TLE4: variants seen among roughly 807,000 people sequenced by gnomAD.
The protein encoded by TLE4 is TLE family member 4, transcriptional corepressor, also known as transducin-like enhancer protein 4.
Under a neutral mutation model 92.8 loss-of-function variants are expected in TLE4, and 8 were observed. The observed-to-expected ratio is 0.09, with a 90% confidence interval of 0.05 to 0.16. The LOEUF (loss-of-function observed/expected upper bound fraction) is 0.16. Among genes scored for constraint, TLE4 ranks in the 10% least tolerant of loss-of-function variants. The pLI is 1.00. For synonymous variants in TLE4, 371 were observed against 374.1 expected, an observed-to-expected ratio of 0.99 and a Z score of 0.10; for missense variants, 675 against 997.6, an observed-to-expected ratio of 0.68 and a Z score of 4.36.
At chr9:79,584,795 C>T (rs776191884) in intron 4 of TLE4, among the ~76,000 whole-genome samples, 4 of 152,084 alleles carry the variant, frequency 2.6e-5, no homozygotes, top group African/African-American at 4.8e-5. Flanking sequence ...CAAAAGCAAC[C>T]GAACTTGCTG....
At chr9:79,627,815 T>C (rs2053034968) in intron 6 of TLE4, 1 of 213,558 alleles carries the variant, frequency 4.7e-6, no homozygotes. Flanking sequence ...TGAATAATCA[T>C]GTAGAGTATC....
intron 8 of TLE4, among the ~76,000 whole-genome samples, chr9:79,657,968 A>G (rs1412315838): frequency 2.6e-5 from 4 of 152,124 alleles, no homozygotes; most frequent in African/African-American, 4.8e-5. Flanking sequence ...AGTCACATCT[A>G]TGAGGGATTT....
chr9:79,723,967 T>C (rs779543299), intron 19 of TLE4, among the ~76,000 whole-genome samples: 21 of 152,228 alleles, frequency 1.4e-4, no homozygotes, highest in Non-Finnish European at 2.2e-4. Context: ...TTCAGAGTCC[T>C]GGTTAAAATC....
rs553585083 is a variant in TLE4, at chr9:79,623,578, T to A, written c.316-3796T>A. Among the ~76,000 whole-genome samples, 24 of 152,270 alleles carry A rather than the reference T, an allele frequency of 1.6e-4. No homozygotes were observed. The South Asian group carries it at 1.9e-3, about 12-fold the overall frequency. On this transcript the variant is annotated intron_variant, in intron 5 of 19. Coordinates refer to ENST00000376552, the MANE Select transcript of TLE4 (RefSeq NM_007005.6). ...GTTTGTATTGCTTAAATCACTTTTT[T>A]AAAAAAATTATTTTTACTGAGGTAT...
chr9:79,627,304 G>A lies in TLE4; in HGVS notation c.316-70G>A, dbSNP rs536440162. On this transcript the variant is annotated intron_variant, in intron 5 of 19. Transcript: ENST00000376552. ...GCATGTAACTGAAGTTAGAGGACAT[G>A]TTAGGAAAAGCTGTTCTTGACTGAG... 16 of 1,518,932 alleles carry A rather than the reference G, an allele frequency of 1.1e-5. No homozygotes were observed. The South Asian group carries it at 1.8e-4, about 17-fold the overall frequency. The allele number at this position is 1,518,932 out of a possible 1,614,324, so 94.1% of individuals were successfully genotyped here.
chr9:79,572,989 C>G (rs1025697485), intron 1 of TLE4, among the ~76,000 whole-genome samples, 154 bp downstream of exon 1: 10 of 152,120 alleles, frequency 6.6e-5, no homozygotes. Flanking sequence ...GCCATCACCC[C>G]CACCCCCCGG....
intron 8 of TLE4, among the ~76,000 whole-genome samples, chr9:79,679,516 G>A (rs1419295539): frequency 1.3e-5 from 2 of 151,978 alleles, no homozygotes; most frequent in East Asian, 3.9e-4. Flanking sequence ...CTGGATATTA[G>A]CCCTTTGTCA....
intron 5 of TLE4, among the ~76,000 whole-genome samples, chr9:79,614,617 C>G (rs1389790879): frequency 1.3e-5 from 2 of 152,136 alleles, no homozygotes; most frequent in Non-Finnish European, 2.9e-5. Context: ...TGTCATACCA[C>G]TTAACTATTT....
At chr9:79,612,217 A>T (rs372738059) in intron 4 of TLE4, among the ~76,000 whole-genome samples, 3 of 152,154 alleles carry the variant, frequency 2.0e-5, no homozygotes, top group Non-Finnish European at 2.9e-5. Flanking sequence ...TTTAAAGCAA[A>T]GGCCACAAAT....
At chr9:79,620,768 A>T (rs1269602914) in intron 5 of TLE4, among the ~76,000 whole-genome samples, 4 of 152,160 alleles carry the variant, frequency 2.6e-5, no homozygotes, top group Non-Finnish European at 5.9e-5. Flanking sequence ...AAAAGGCTTT[A>T]TTGGCTCATG....
chr9:79,719,418 A>G (rs956096475), intron 15 of TLE4, among the ~76,000 whole-genome samples: 2 of 151,992 alleles, frequency 1.3e-5, no homozygotes, highest in East Asian at 1.9e-4. Context: ...AATTTTTGCT[A>G]TAGCATGAGG....
intron 4 of TLE4, among the ~76,000 whole-genome samples, chr9:79,581,853 A>G (rs1194588797): frequency 6.6e-6 from 1 of 152,128 alleles, no homozygotes; most frequent in Non-Finnish European, 1.5e-5. Context: ...ATTCTCTGCA[A>G]CTGCCTAGAG....
chr9:79,659,576 TATAAATCTTTCTTA>T, intron 8 of TLE4, among the ~76,000 whole-genome samples: 1 of 152,134 alleles, frequency 6.6e-6, no homozygotes, highest in Non-Finnish European at 1.5e-5. Context: ...GTTAGGTCTC[TATAAATCTTTCTTA>T]TTAAAAAAAT....
chr9:79,708,958 A>G (rs1466268031), intron 13 of TLE4, among the ~76,000 whole-genome samples, 172 bp downstream of exon 13: 2 of 152,124 alleles, frequency 1.3e-5, no homozygotes, highest in African/African-American at 4.8e-5. Flanking sequence ...CAGCCTCTCA[A>G]GTAGCTCGAA....
chr9:79,574,910 A>G lies in TLE4; in HGVS notation c.181A>G (p.Thr61Ala). The G allele has an allele frequency of 6.2e-7, 1 of 1,613,728 alleles. No individual in the cohort carries two copies. Among genetic ancestry groups the G allele is most frequent in the Non-Finnish European group, 8.5e-7 (1 of 1,179,724 alleles). Residue 61 changes from threonine to alanine, a missense_variant, in exon 3 of 20, where the codon ACA (threonine) becomes GCA (alanine). Physicochemically the swap from Thr to Ala is moderately conservative, Grantham distance 58. Transcript: ENST00000376552. ...ATGTGAGAAACTCGCCAGTGAGAAG[A>G]CAGAGATGCAGCGGCATTATGTCAT... Reference protein sequence around the residue: ...LECEKLASEKTEMQRHYVMYY... With the variant: ...LECEKLASEKAEMQRHYVMYY...
rs1159046994 is a variant in TLE4, at chr9:79,572,186, A to G, written c.-605A>G. On this transcript the variant is annotated 5_prime_UTR_variant, in exon 1 of 20. Coordinates refer to ENST00000376552, the MANE Select transcript of TLE4 (RefSeq NM_007005.6). ...AAGAAAACAGGAAGGAAGAGAAATA[A>G]GGAAATGAGATGTGGTAAAAGAAGC... 4 of 152,142 alleles carry G rather than the reference A, an allele frequency of 2.6e-5. No individual in the cohort carries two copies. Among genetic ancestry groups the G allele is most frequent in the Non-Finnish European group, 2.9e-5 (2 of 68,024 alleles). 9.4% of individuals were successfully genotyped at this position (152,142 alleles called of 1,614,324 possible). A position where few individuals can be genotyped will look rare whatever the true frequency, so the allele number is the denominator to read the frequency against.
intron 14 of TLE4, among the ~76,000 whole-genome samples, chr9:79,715,511 C>A (rs2074311401): frequency 6.6e-6 from 1 of 152,066 alleles, no homozygotes; most frequent in Non-Finnish European, 1.5e-5. Context: ...GACCTCAGCA[C>A]CAGCGGTGGG....
At chr9:79,648,514 G>A (rs937983446) in intron 6 of TLE4, among the ~76,000 whole-genome samples, 1 of 151,860 alleles carries the variant, frequency 6.6e-6, no homozygotes, top group African/African-American at 2.4e-5. Flanking sequence ...ACTTAGATAA[G>A]TAATGTGGAG....
chr9:79,592,215 CCTCTTCT>C (rs2042804695), intron 4 of TLE4, among the ~76,000 whole-genome samples: 1 of 127,202 alleles, frequency 7.9e-6, no homozygotes. Context: ...TCTTCTTCTT[CCTCTTCT>C]TCTTCTTCTT....
Sources: gnomAD v4.1 joint callset for allele counts (sites outside exome capture counted in the v4.1 genomes callset) on GRCh38, gnomAD v4.1.1 for gene constraint, MANE v1.5 for transcripts, NCBI Gene and HGNC (gene_info 2026-07-23, HGNC 2026-07-21) for gene names.